TRMT1L: variants seen among roughly 807,000 people sequenced by gnomAD.
The protein encoded by TRMT1L is tRNA (guanine(27)-N(2))-dimethyltransferase.
A neutral mutation model predicts 81.6 loss-of-function variants in TRMT1L; 28 were observed. The observed-to-expected ratio is 0.34, with a 90% CI of 0.25 to 0.47. The LOEUF (loss-of-function observed/expected upper bound fraction) is 0.47, where lower values mean the gene tolerates loss of function less well. Ranked by LOEUF, TRMT1L falls within the 20% of genes least tolerant of loss-of-function variation. The pLI is 1.00. For synonymous variants in TRMT1L, 301 were observed against 303.2 expected (o/e 0.99, Z 0.07); for missense variants, 739 against 877.1 (o/e 0.84, Z 1.99).
intron 6 of TRMT1L, 97 bp from the exon 7 acceptor site, chr1:185,143,533 G>T: frequency 9.7e-7 from 1 of 1,027,754 alleles, no homozygotes; most frequent in Non-Finnish European, 1.4e-6. Context: ...CCTAGTTACT[G>T]TACAAACTAT....
At chr1:185,126,297 A>C (rs1652626925) in intron 11 of TRMT1L, among the ~76,000 whole-genome samples, 1 of 152,026 alleles carries the variant, frequency 6.6e-6, no homozygotes. Context: ...TGTAAAATAA[A>C]ACTTTTTTCT....
intron 4 of TRMT1L, among the ~76,000 whole-genome samples, chr1:185,146,857 A>C (rs1215621832): frequency 6.6e-6 from 1 of 152,124 alleles, no homozygotes; most frequent in African/African-American, 2.4e-5. Flanking sequence ...TGAAGCTCCT[A>C]TTCCATGACC....
At chr1:185,134,364 G>T (rs1342012892) in intron 10 of TRMT1L, among the ~76,000 whole-genome samples, 1 of 152,046 alleles carries the variant, frequency 6.6e-6, no homozygotes, top group Non-Finnish European at 1.5e-5. Flanking sequence ...GCTAATTTTT[G>T]TACTTTTAGT....
chr1:185,147,292 TCA>T (rs753761307), intron 3 of TRMT1L, 46 bp from the exon 4 acceptor site: 44 of 1,416,290 alleles, frequency 3.1e-5, no homozygotes, highest in African/African-American at 4.3e-5. Context: ...CATTAAATAT[TCA>T]GTTATCAAAA....
In TRMT1L at chr1:185,150,436, G is replaced by A. The variant is rs940198509; in HGVS notation, c.403C>T (p.His135Tyr). The change falls in exon 3 of 15, where the codon CAT becomes TAT. Residue 135 changes from histidine (H) to tyrosine (Y), a missense_variant. Coordinates refer to ENST00000367506, the MANE Select transcript of TRMT1L (RefSeq NM_030934.5). ...TTCTGGAGGTGACGACGAAGCTTAT[G>A]GCTATTACAAGCTCTGAATTTTTCC... ...PKEKFRACNS[H>Y]KLRRHLQNLH... is the part of the protein sequence containing the mutation. 4 of 1,613,628 alleles carry A rather than the reference G, an allele frequency of 2.5e-6. No individual in the cohort carries two copies. The African/African-American group carries it at 5.3e-5, about 22-fold the overall frequency.
rs756109502 is a variant in TRMT1L at position 185,125,001 on chromosome 1, C to CT, written c.1701dup (p.Glu568ArgfsTer27). 1 of 1,613,312 alleles carries CT rather than the reference C, an allele frequency of 6.2e-7. No homozygotes were observed. Among genetic ancestry groups the CT allele is most frequent in the African/African-American group, 1.3e-5 (1 of 75,022 alleles). The stretch of plus-strand genomic sequence containing the variant: ...GAAAACTGACTTTGAGGCGTACACT[C>CT]TGATTCAAAGATTAATGTCTTTATT... On this transcript the variant is annotated frameshift_variant, in exon 12 of 15. Coordinates refer to ENST00000367506, the MANE Select transcript of TRMT1L (RefSeq NM_030934.5). LOFTEE classifies it high-confidence loss of function.
chr1:185,143,345 G>A lies in TRMT1L; in HGVS notation c.859+12C>T, dbSNP rs977036903. 1 of 1,584,926 alleles carries A rather than the reference G, an allele frequency of 6.3e-7. No individual in the cohort carries two copies. The highest frequency in any genetic ancestry group is 8.6e-7 in the Non-Finnish European group (1 of 1,167,358). On this transcript the variant is annotated intron_variant, in intron 7 of 14. Transcript: ENST00000367506. ...AAATAAAATGGGGTTCCAAAAAAGT[G>A]TCCTCACTTACCAGTGGCTCCAAAA...
chr1:185,152,050 G>A, intron 1 of TRMT1L, 115 bp from the exon 2 acceptor site: 2 of 515,164 alleles, frequency 3.9e-6, no homozygotes, highest in Non-Finnish European at 6.6e-6. Context: ...GGACCTAGAT[G>A]GGGAATACTG....
In TRMT1L at chr1:185,151,823, A is replaced by C. The variant is rs1411821726; in HGVS notation, c.346+2T>G. The C allele has an allele frequency of 6.4e-7, 1 of 1,554,398 alleles. No homozygotes were observed. The highest frequency in any genetic ancestry group is 1.7e-4 in the Middle Eastern group (1 of 5,790). Reference sequence around the variant, plus strand: ...AAAAAAAAAACCCAAACATGGAAATACCTGCATCAAGATTATCTGAGTTCA... The same window carrying C: ...AAAAAAAAAACCCAAACATGGAAATCCCTGCATCAAGATTATCTGAGTTCA... On this transcript the variant is annotated splice_donor_variant, in intron 2 of 14. Transcript: ENST00000367506. LOFTEE classifies it high-confidence loss of function.
chr1:185,133,355 G>A (rs1652819869), intron 10 of TRMT1L, among the ~76,000 whole-genome samples: 1 of 152,010 alleles, frequency 6.6e-6, no homozygotes, highest in African/African-American at 2.4e-5. Context: ...GAGCCACCAT[G>A]CCCGGATTCA....
At chr1:185,146,831 A>G (rs1315194136) in intron 4 of TRMT1L, among the ~76,000 whole-genome samples, 3 of 152,120 alleles carry the variant, frequency 2.0e-5, no homozygotes, top group Admixed American at 6.5e-5. Context: ...TAAGATATTT[A>G]CTAAATCACA....
At chr1:185,145,720 T>C (rs1363875687) in intron 4 of TRMT1L, 152 bp from the exon 5 acceptor site, 1 of 646,896 alleles carries the variant, frequency 1.5e-6, no homozygotes, top group South Asian at 2.5e-5. Flanking sequence ...TTAACTTCCT[T>C]ACCTGCATTT....
intron 3 of TRMT1L, among the ~76,000 whole-genome samples, chr1:185,148,971 C>A (rs964562408): frequency 1.3e-5 from 2 of 152,180 alleles, no homozygotes; most frequent in African/African-American, 4.8e-5. Context: ...TCTGTGCTCA[C>A]ATAATCATAT....
chr1:185,145,654 T>C, intron 4 of TRMT1L, 86 bp from the exon 5 acceptor site: 1 of 1,316,492 alleles, frequency 7.6e-7, no homozygotes, highest in Non-Finnish European at 1.1e-6. Context: ...CATTAGTGTC[T>C]TGGATTTAAT....
intron 9 of TRMT1L, 85 bp downstream of exon 9, chr1:185,139,282 T>C: frequency 9.1e-7 from 1 of 1,102,860 alleles, no homozygotes; most frequent in Non-Finnish European, 1.3e-6. Flanking sequence ...TGTGCATATT[T>C]TGAATAAGGT....
chr1:185,130,317 C>T (rs1236740817), intron 10 of TRMT1L, among the ~76,000 whole-genome samples: 1 of 152,188 alleles, frequency 6.6e-6, no homozygotes, highest in African/African-American at 2.4e-5. Context: ...AACATGCACT[C>T]TCTCTCTGCT....
chr1:185,142,857 A>G (rs879791784), intron 7 of TRMT1L, among the ~76,000 whole-genome samples: 6 of 152,188 alleles, frequency 3.9e-5, no homozygotes, highest in Non-Finnish European at 7.3e-5. Flanking sequence ...ATAGATTTAA[A>G]AGAGACTTAG....
rs117627580 is a variant in TRMT1L at position 185,156,317 on chromosome 1, A to C, written c.235+161T>G. Among the ~76,000 whole-genome samples, 841 of 152,024 alleles carry C rather than the reference A, an allele frequency of 5.5e-3. 31 individuals carry two copies. The East Asian group carries it at 0.085, about 15-fold the overall frequency. On this transcript the variant is annotated intron_variant, in intron 1 of 14. Coordinates refer to ENST00000367506, the MANE Select transcript of TRMT1L (RefSeq NM_030934.5). ...TGAAGATGCCGTCTCCCATTCTGTAACCCTGCTTTAGCCGCTACACGGGCC... is the reference window on the plus strand; with the variant it reads ...TGAAGATGCCGTCTCCCATTCTGTACCCCTGCTTTAGCCGCTACACGGGCC...
At chr1:185,125,629 T>G (rs1652605580) in intron 11 of TRMT1L, among the ~76,000 whole-genome samples, 1 of 152,174 alleles carries the variant, frequency 6.6e-6, no homozygotes, top group South Asian at 2.1e-4. Context: ...ATAAATGTAT[T>G]TATTACCACT....
Sources: allele counts gnomAD v4.1 joint callset (sites outside exome capture counted in the v4.1 genomes callset), GRCh38; gene constraint gnomAD v4.1.1; transcripts MANE v1.5; gene names NCBI Gene and HGNC (gene_info 2026-07-23, HGNC 2026-07-21).